XKR6: variants seen among roughly 807,000 people sequenced by gnomAD.
XKR6 encodes XK-related protein 6.
A neutral mutation model predicts 56.7 loss-of-function variants in XKR6; 22 were observed. The ratio of observed to expected loss-of-function variants is 0.39; its 90% CI spans 0.28 to 0.55. The LOEUF (loss-of-function observed/expected upper bound fraction) is 0.55, where lower values mean the gene tolerates loss of function less well. XKR6 is among the 20% of genes least tolerant of loss of function. XKR6 has a pLI of 0.66. For missense variants in XKR6, 852 were observed against 889.0 expected (o/e 0.96, Z 0.53); for synonymous variants, 524 against 387.8 (o/e 1.35, Z -4.13).
intron 1 of XKR6, among the ~76,000 whole-genome samples, chr8:11,143,810 A>G (rs918774370): frequency 1.3e-5 from 2 of 152,208 alleles, no homozygotes; most frequent in African/African-American, 4.8e-5. Flanking sequence ...TCTGAGGGCT[A>G]CCATAACAAA....
intron 1 of XKR6, among the ~76,000 whole-genome samples, chr8:11,047,012 G>A (rs555708207): frequency 1.5e-3 from 225 of 152,030 alleles, no homozygotes; most frequent in African/African-American, 5.2e-3. Context: ...AATGGGGGGC[G>A]GGTGTTGGTC....
chr8:11,064,524 G>A (rs760607879), intron 1 of XKR6, among the ~76,000 whole-genome samples: 1 of 152,178 alleles, frequency 6.6e-6, no homozygotes, highest in Non-Finnish European at 1.5e-5. Context: ...AAAGCATACC[G>A]CAAGAATTGT....
At chr8:11,150,306 T>C (rs894470247) in intron 1 of XKR6, among the ~76,000 whole-genome samples, 3 of 150,670 alleles carry the variant, frequency 2.0e-5, no homozygotes, top group African/African-American at 7.3e-5. Context: ...TAGATCATTA[T>C]ACATTCTATC....
chr8:11,089,697 G>A (rs1017355407), intron 1 of XKR6, among the ~76,000 whole-genome samples: 4 of 152,050 alleles, frequency 2.6e-5, no homozygotes, highest in Admixed American at 1.3e-4. Context: ...ATATTACAAG[G>A]AGCACATGTA....
intron 1 of XKR6, among the ~76,000 whole-genome samples, chr8:11,093,550 A>G (rs2129173658): frequency 6.6e-6 from 1 of 152,310 alleles, no homozygotes; most frequent in South Asian, 2.1e-4. Flanking sequence ...CTTAGTTATA[A>G]TAGCCAGATG....
rs535138309 is a variant in XKR6, at chr8:11,191,632, C to G, written c.764+8944G>C. Among the ~76,000 whole-genome samples, 4 of 149,280 alleles carry G rather than the reference C, an allele frequency of 2.7e-5. No homozygotes were observed. The East Asian group carries it at 7.9e-4, about 29-fold the overall frequency. The stretch of plus-strand genomic sequence containing the variant: ...GTGCAAACGACACCTGCAAGAGACA[C>G]TCAGGAAACGCAAAATATGAGCAGA... On this transcript the variant is annotated intron_variant, in intron 1 of 2. Transcript: ENST00000416569.
intron 1 of XKR6, among the ~76,000 whole-genome samples, chr8:10,990,378 T>A (rs1248292103): frequency 3.3e-5 from 5 of 152,076 alleles, no homozygotes; most frequent in Admixed American, 2.6e-4. Context: ...CTGTCCATGG[T>A]CACAACCCAT....
At chr8:11,191,505 T>C (rs926578913) in intron 1 of XKR6, among the ~76,000 whole-genome samples, 5 of 152,160 alleles carry the variant, frequency 3.3e-5, no homozygotes, top group African/African-American at 4.8e-5. Context: ...GGGCGCCTAC[T>C]GATATGATGC....
At chr8:11,188,541 T>G (rs1206206971) in intron 1 of XKR6, among the ~76,000 whole-genome samples, 1 of 152,216 alleles carries the variant, frequency 6.6e-6, no homozygotes, top group African/African-American at 2.4e-5. Flanking sequence ...CAAAACCACT[T>G]GATTGCTTAA....
At chr8:11,007,650 T>C (rs1798400831) in intron 1 of XKR6, among the ~76,000 whole-genome samples, 1 of 152,040 alleles carries the variant, frequency 6.6e-6, no homozygotes, top group Non-Finnish European at 1.5e-5. Context: ...GCACACTCGG[T>C]GGAAGAGGCA....
chr8:10,977,252 C>A (rs1802594319), intron 1 of XKR6, among the ~76,000 whole-genome samples: 1 of 152,100 alleles, frequency 6.6e-6, no homozygotes, highest in African/African-American at 2.4e-5. Flanking sequence ...TGCCTGAAAC[C>A]ATGGAGATTT....
At chr8:10,922,062 A>C (rs1217729895) in intron 2 of XKR6, among the ~76,000 whole-genome samples, 2 of 152,210 alleles carry the variant, frequency 1.3e-5, no homozygotes, top group African/African-American at 4.8e-5. Context: ...CTTCCCTTCC[A>C]GGGGATGCAG....
At chr8:11,134,395 T>G (rs754610687) in intron 1 of XKR6, among the ~76,000 whole-genome samples, 2 of 152,152 alleles carry the variant, frequency 1.3e-5, no homozygotes, top group Non-Finnish European at 2.9e-5. Flanking sequence ...TTAGCAAGGA[T>G]ACAGAGAAAA....
intron 1 of XKR6, among the ~76,000 whole-genome samples, chr8:11,070,229 G>A (rs1345241775): frequency 3.9e-5 from 6 of 152,122 alleles, no homozygotes; most frequent in African/African-American, 9.7e-5. Context: ...TTTGCCCTGC[G>A]TCTTGGTTTA....
chr8:10,970,089 C>T (rs900303487), intron 1 of XKR6, among the ~76,000 whole-genome samples: 3 of 152,236 alleles, frequency 2.0e-5, no homozygotes, highest in African/African-American at 7.2e-5. Context: ...TCACCTCTCG[C>T]AGGAGTGGGC....
At chr8:10,986,443 GA>G (rs1797865581) in intron 1 of XKR6, among the ~76,000 whole-genome samples, 1 of 152,044 alleles carries the variant, frequency 6.6e-6, no homozygotes, top group South Asian at 2.1e-4. Flanking sequence ...TAACAACTAT[GA>G]AAGATAAAAG....
intron 2 of XKR6, among the ~76,000 whole-genome samples, chr8:10,906,588 T>A (rs553798095): frequency 2.8e-4 from 43 of 152,340 alleles, no homozygotes; most frequent in Admixed American, 8.5e-4. Flanking sequence ...TAATTTCAGG[T>A]CTAACAGGTT....
At chr8:11,100,420 C>T (rs1275521702) in intron 1 of XKR6, among the ~76,000 whole-genome samples, 1 of 152,158 alleles carries the variant, frequency 6.6e-6, no homozygotes, top group Non-Finnish European at 1.5e-5. Flanking sequence ...TAATGGGACA[C>T]GGAGTCCTTA....
chr8:10,989,429 G>C (rs1426024297), intron 1 of XKR6, among the ~76,000 whole-genome samples: 1 of 152,142 alleles, frequency 6.6e-6, no homozygotes, highest in African/African-American at 2.4e-5. Context: ...TATGAGACCC[G>C]AGATGATTGA....
Sources: gnomAD v4.1 joint callset for allele counts (sites outside exome capture counted in the v4.1 genomes callset) on GRCh38, gnomAD v4.1.1 for gene constraint, MANE v1.5 for transcripts, NCBI Gene and HGNC (gene_info 2026-07-23, HGNC 2026-07-21) for gene names.